Variants in NELL1 observed in about 807,000 individuals in gnomAD.
The protein encoded by NELL1 is protein kinase C-binding protein NELL1.
A neutral mutation model predicts 107.4 loss-of-function variants in NELL1; 76 were observed. The observed-to-expected ratio is 0.71, with a 90% CI of 0.59 to 0.86. The LOEUF (loss-of-function observed/expected upper bound fraction) is 0.86. Ranked by LOEUF, NELL1 falls within the 40% of genes least tolerant of loss-of-function variation. The pLI is 0.00. For missense variants in NELL1, 1,024 were observed against 1,005.5 expected, an observed-to-expected ratio of 1.02 and a Z score of -0.25; for synonymous variants, 353 against 341.2, an observed-to-expected ratio of 1.03 and a Z score of -0.38.
At chr11:20,681,251 A>C (rs186311466) in intron 2 of NELL1, among the ~76,000 whole-genome samples, 1 of 152,172 alleles carries the variant, frequency 6.6e-6, no homozygotes, top group African/African-American at 2.4e-5. Context: ...TTTCTCTCAC[A>C]TTTTGCCATA....
Position 21,133,923 on chromosome 11 carries a change from C to T in NELL1, c.1426+20209C>T, listed in dbSNP as rs374726666. 2.7e-3 allele frequency among the ~76,000 whole-genome samples: 410 copies of T among 152,342 alleles called. 2 individuals carry two copies. Among genetic ancestry groups the T allele is most frequent in the African/African-American group, 9.3e-3 (385 of 41,588 alleles). On this transcript the variant is annotated intron_variant, in intron 13 of 19. Transcript: ENST00000357134. ...AAGTGGGCAGGGCTTCTGCCTGTTC[C>T]CAGCTCTTGCAGGCTCCATGGGGCA...
At chr11:21,543,396 A>G (rs534332037) in intron 16 of NELL1, among the ~76,000 whole-genome samples, 65 of 152,200 alleles carry the variant, frequency 4.3e-4, no homozygotes, top group African/African-American at 1.4e-3. Flanking sequence ...CCTCAGTTGC[A>G]TGACACAAAA....
In NELL1 at chr11:21,330,076, G is replaced by A. The variant is rs575527296; in HGVS notation, c.1550-40777G>A. On this transcript the variant is annotated intron_variant, in intron 14 of 19. Transcript: ENST00000357134. ...CTCTTCCTTTTTTCCTGTGGATCTC[G>A]GTAACCAATTAATATATTCTCCCTA... 5.9e-5 allele frequency among the ~76,000 whole-genome samples: 9 copies of A among 151,600 alleles called. No homozygotes were observed. In the East Asian group the frequency reaches 9.7e-4, roughly 16 times the overall value.
intron 15 of NELL1, among the ~76,000 whole-genome samples, chr11:21,424,932 T>C (rs1852782942): frequency 6.6e-6 from 1 of 152,174 alleles, no homozygotes; most frequent in Admixed American, 6.5e-5. Context: ...TCTTAACTTG[T>C]TCTATGAGGC....
At position 21,265,260 on chromosome 11, in the gene NELL1, T is replaced by C. The variant is rs1340589091; in HGVS notation, c.1549+35806T>C. Among the ~76,000 whole-genome samples the C allele has an allele frequency of 2.0e-5, 3 of 152,184 alleles. No homozygotes were observed. In the East Asian group the frequency reaches 5.8e-4, roughly 30 times the overall value. ...TATTCACCCCCTCCTTAATACTTTC[T>C]TTGCAAAGGAAGATGTTTTTCTTTT... On this transcript the variant is annotated intron_variant, in intron 14 of 19. Transcript: ENST00000357134.
At chr11:20,966,250 A>G (rs1851384924) in intron 12 of NELL1, among the ~76,000 whole-genome samples, 1 of 152,148 alleles carries the variant, frequency 6.6e-6, no homozygotes, top group Non-Finnish European at 1.5e-5. Context: ...ATTCATCATC[A>G]CAGGTGAAAG....
intron 9 of NELL1, among the ~76,000 whole-genome samples, chr11:20,933,322 G>A (rs1288617172): frequency 6.6e-6 from 1 of 152,238 alleles, no homozygotes; most frequent in Admixed American, 6.5e-5. Context: ...AAATGGATCA[G>A]GGACAGAGCG....
intron 12 of NELL1, among the ~76,000 whole-genome samples, chr11:21,102,243 A>G (rs886849654): frequency 6.6e-6 from 1 of 152,120 alleles, no homozygotes; most frequent in South Asian, 2.1e-4. Context: ...TGTCCCATGA[A>G]ATTTTATTAC....
chr11:21,215,675 G>A (rs192703520), intron 13 of NELL1, among the ~76,000 whole-genome samples: 1 of 152,278 alleles, frequency 6.6e-6, no homozygotes, highest in African/African-American at 2.4e-5. Flanking sequence ...TTCTTGTAAT[G>A]CTTCAGCAAA....
chr11:21,256,936 G>A (rs2133917522), intron 14 of NELL1, among the ~76,000 whole-genome samples: 1 of 152,138 alleles, frequency 6.6e-6, no homozygotes, highest in South Asian at 2.1e-4. Context: ...GTGCACAGCA[G>A]GAACCCAATC....
chr11:20,922,026 A>G (rs1199728625), intron 7 of NELL1, among the ~76,000 whole-genome samples: 1 of 152,046 alleles, frequency 6.6e-6, no homozygotes, highest in African/African-American at 2.4e-5. Context: ...AGCTGGTGCC[A>G]AGGTCTGAAC....
chr11:21,194,496 G>A (rs1484284896), intron 13 of NELL1, among the ~76,000 whole-genome samples: 2 of 152,176 alleles, frequency 1.3e-5, no homozygotes, highest in East Asian at 3.9e-4. Context: ...GTCTAGGGCT[G>A]GGCATTGGTT....
chr11:21,002,699 T>A (rs568111703), intron 12 of NELL1, among the ~76,000 whole-genome samples: 13 of 152,310 alleles, frequency 8.5e-5, no homozygotes, highest in African/African-American at 3.1e-4. Context: ...AATTGCCTCA[T>A]GTATTGTGGA....
chr11:20,771,333 C>T (rs4922626), intron 2 of NELL1, among the ~76,000 whole-genome samples: 145,588 of 152,222 alleles, frequency 0.96, 69,965 homozygotes, highest in East Asian at 1. Flanking sequence ...TCATTTCTCA[C>T]TGAGCCTCTG....
chr11:21,130,714 A>G (rs553961433), intron 13 of NELL1, among the ~76,000 whole-genome samples: 2 of 152,322 alleles, frequency 1.3e-5, no homozygotes, highest in South Asian at 2.1e-4. Context: ...GGACAAATAC[A>G]TTTGCAATTG....
At chr11:20,772,285 A>G (rs1856655510) in intron 2 of NELL1, among the ~76,000 whole-genome samples, 3 of 152,176 alleles carry the variant, frequency 2.0e-5, no homozygotes, top group Non-Finnish European at 1.5e-5. Flanking sequence ...GGAGTAGAGA[A>G]GTAATGATGC....
intron 14 of NELL1, among the ~76,000 whole-genome samples, chr11:21,238,342 G>A (rs1421498462): frequency 6.6e-6 from 1 of 151,970 alleles, no homozygotes; most frequent in East Asian, 1.9e-4. Flanking sequence ...CTAAAAAAAA[G>A]TAGATGTAGA....
intron 12 of NELL1, among the ~76,000 whole-genome samples, chr11:21,107,672 C>G (rs912249045): frequency 6.6e-6 from 1 of 152,120 alleles, no homozygotes; most frequent in Non-Finnish European, 1.5e-5. Context: ...CTGCAAGCTC[C>G]TCTTGCAAAA....
rs1453396951 is a variant in NELL1, at chr11:20,669,710, G to T, written c.-14G>T. 6.2e-7 allele frequency: 1 copy of T among 1,612,666 alleles called. No homozygotes were observed. The highest frequency in any genetic ancestry group is 8.5e-7 in the Non-Finnish European group (1 of 1,178,968). On this transcript the variant is annotated 5_prime_UTR_variant, in exon 1 of 20. Transcript: ENST00000357134. This position sits in a 1 kb window ranked among gnomAD's most constrained non-coding sequence, Gnocchi z 4.4. Reference sequence around the variant, plus strand: ...GCTTCGGTGCCCCCTGCTAGGCGGGGACCCTCGAGAGCGATGCCGATGGAT... The same window carrying T: ...GCTTCGGTGCCCCCTGCTAGGCGGGTACCCTCGAGAGCGATGCCGATGGAT...
Sources: allele counts gnomAD v4.1 joint callset (sites outside exome capture counted in the v4.1 genomes callset), GRCh38; gene constraint gnomAD v4.1.1; non-coding constraint Gnocchi (gnomAD v3.1); transcripts MANE v1.5; gene names NCBI Gene and HGNC (gene_info 2026-07-23, HGNC 2026-07-21).